The following NALCN variants were observed in gnomAD, a reference collection of about 807,000 sequenced individuals.
NALCN encodes sodium leak channel, non-selective.
Under a neutral mutation model 225.3 loss-of-function variants are expected in NALCN, and 111 were observed. The observed-to-expected ratio is 0.49, with a 90% CI of 0.42 to 0.58. NALCN has a LOEUF of 0.58. NALCN is among the 20% of genes least tolerant of loss of function. The probability of loss-of-function intolerance (pLI) is 0.00; values close to 1 mark genes in which losing one functional copy is unlikely to be tolerated. For missense variants in NALCN, 1,378 were observed against 2,202.4 expected (o/e 0.63, Z 7.49); for synonymous variants, 764 against 769.0 (o/e 0.99, Z 0.11).
In NALCN at chr13:101,104,211, A is replaced by G; in HGVS notation, c.2889+84T>C. 1 of 1,498,150 alleles carries G rather than the reference A, an allele frequency of 6.7e-7. No individual in the cohort carries two copies. The highest frequency in any genetic ancestry group is 8.9e-7 in the Non-Finnish European group (1 of 1,118,644). 92.8% of individuals were successfully genotyped at this position (1,498,150 alleles called of 1,614,324 possible). A position where few individuals can be genotyped will look rare whatever the true frequency, so the allele number is the denominator to read the frequency against. On this transcript the variant is annotated intron_variant, in intron 25 of 43. Transcript: ENST00000251127. This position sits in a 1 kb window ranked among gnomAD's most constrained non-coding sequence, Gnocchi z 4.2. Reference sequence around the variant, plus strand: ...TAGGGAATCTAAGCCTCTGTAACTCATACCTCTTGCGCTTATACCAAGAAA... The same window carrying G: ...TAGGGAATCTAAGCCTCTGTAACTCGTACCTCTTGCGCTTATACCAAGAAA...
intron 15 of NALCN, 109 bp downstream of exon 15, chr13:101,176,191 T>G: frequency 1.4e-6 from 1 of 697,346 alleles, no homozygotes; most frequent in Non-Finnish European, 2.2e-6. Context: ...ATAGCCTTAT[T>G]ACATTTTATT....
Position 101,054,995 on chromosome 13 carries a change from T to C in NALCN, c.*300A>G, listed in dbSNP as rs570017420. ...CTGCATTAGAGCACATATGAATATA[T>C]ACCTTAGTTTACGCAGACAGAATAT... On this transcript the variant is annotated 3_prime_UTR_variant, in exon 44 of 44. Coordinates refer to ENST00000251127, the MANE Select transcript of NALCN (RefSeq NM_052867.4). 2.3e-4 allele frequency: 81 copies of C among 347,856 alleles called. 2 individuals carry two copies. In the South Asian group the frequency reaches 3.8e-3, roughly 16 times the overall value. 21.5% of individuals were successfully genotyped at this position (347,856 alleles called of 1,614,324 possible).
At chr13:101,312,518 A>G (rs1238758612) in intron 7 of NALCN, among the ~76,000 whole-genome samples, 1 of 151,100 alleles carries the variant, frequency 6.6e-6, no homozygotes, top group East Asian at 1.9e-4. Flanking sequence ...ATTTCCCTCT[A>G]CACACTGCTT....
chr13:101,126,619 A>C (rs1447900354), intron 17 of NALCN, among the ~76,000 whole-genome samples: 2 of 151,770 alleles, frequency 1.3e-5, no homozygotes, highest in African/African-American at 4.8e-5. Flanking sequence ...CAGCCACCCG[A>C]GTAGCTGGGA....
chr13:101,092,766 T>C lies in NALCN; in HGVS notation c.3270-2800A>G, dbSNP rs74442484. Among the ~76,000 whole-genome samples, 983 of 152,228 alleles carry C rather than the reference T, an allele frequency of 6.5e-3. 11 individuals carry two copies. The highest frequency in any genetic ancestry group is 0.022 in the African/African-American group (925 of 41,522). Reference sequence around the variant, plus strand: ...TCTGAGATGTTGGTACCCCAAATTGTTTGGGCCTTAGACCCTATAAAACCT... The same window carrying C: ...TCTGAGATGTTGGTACCCCAAATTGCTTGGGCCTTAGACCCTATAAAACCT... On this transcript the variant is annotated intron_variant, in intron 28 of 43. Transcript: ENST00000251127.
chr13:101,294,036 C>G (rs536844271), intron 7 of NALCN, among the ~76,000 whole-genome samples: 2 of 152,204 alleles, frequency 1.3e-5, no homozygotes, highest in East Asian at 3.9e-4. Context: ...CAGATATTAT[C>G]AATACCATCT....
chr13:101,345,310 C>T lies in NALCN; in HGVS notation c.755G>A (p.Gly252Glu), dbSNP rs1311725761. ...GFKCMDLEDL[G>E]LSRQELGYSG... is the part of the protein sequence containing the mutation. Reference sequence around the variant, plus strand: ...GTAGCCCAGCTCTTGCCTGCTAAGTCCCAGATCTTCAAGGTCCATGCATTT... The same window carrying T: ...GTAGCCCAGCTCTTGCCTGCTAAGTTCCAGATCTTCAAGGTCCATGCATTT... Residue 252 changes from glycine to glutamate, a missense_variant, in exon 7 of 44, where the codon GGA becomes GAA. Transcript: ENST00000251127. The T allele has an allele frequency of 2.5e-6, 4 of 1,613,602 alleles. No individual in the cohort carries two copies. Among genetic ancestry groups the T allele is most frequent in the Non-Finnish European group, 3.4e-6 (4 of 1,179,768 alleles).
chr13:101,335,205 T>C (rs1256896154), intron 7 of NALCN, among the ~76,000 whole-genome samples: 1 of 152,198 alleles, frequency 6.6e-6, no homozygotes, highest in Non-Finnish European at 1.5e-5. Context: ...TAAACATCTT[T>C]CAGCAGACAA....
At position 101,055,895 on chromosome 13, in the gene NALCN, T is replaced by C. The variant is rs141774152; in HGVS notation, c.5024-407A>G. ...GGCGAGGGGGGATGCAGTGAGGGTA[T>C]GGGAGGAAAGGTGTGGTTCTGGGGC... is the stretch of plus-strand genomic sequence containing the variant. On this transcript the variant is annotated intron_variant, in intron 43 of 43. Coordinates refer to ENST00000251127, the MANE Select transcript of NALCN (RefSeq NM_052867.4). Among the ~76,000 whole-genome samples the C allele has an allele frequency of 1.8e-3, 278 of 152,198 alleles. 1 individual carries two copies. The highest frequency in any genetic ancestry group is 6.3e-3 in the African/African-American group (260 of 41,520).
At chr13:101,185,574 G>C (rs1167269218) in intron 14 of NALCN, among the ~76,000 whole-genome samples, 1 of 152,240 alleles carries the variant, frequency 6.6e-6, no homozygotes, top group Non-Finnish European at 1.5e-5. Flanking sequence ...ACTGCAATCA[G>C]TCAGGACAGA....
chr13:101,403,141 A>G (rs1358932254), intron 1 of NALCN, among the ~76,000 whole-genome samples: 1 of 151,898 alleles, frequency 6.6e-6, no homozygotes, highest in Non-Finnish European at 1.5e-5. Context: ...TTTCTCATTC[A>G]CTCACTCATT....
chr13:101,383,661 C>A (rs1040127877), intron 3 of NALCN, among the ~76,000 whole-genome samples: 1 of 152,174 alleles, frequency 6.6e-6, no homozygotes, highest in Non-Finnish European at 1.5e-5. Flanking sequence ...TTAATGAATG[C>A]ATCCATCCAT....
chr13:101,250,674 G>A (rs886311404), intron 11 of NALCN, among the ~76,000 whole-genome samples: 3 of 151,834 alleles, frequency 2.0e-5, no homozygotes, highest in Non-Finnish European at 2.9e-5. Flanking sequence ...AATGACTCTG[G>A]TATAGATAAG....
At chr13:101,259,672 G>A (rs897773309) in intron 10 of NALCN, among the ~76,000 whole-genome samples, 3 of 147,562 alleles carry the variant, frequency 2.0e-5, no homozygotes, top group Non-Finnish European at 1.5e-5. Flanking sequence ...TGTATTAAAC[G>A]GTTACTATGT....
chr13:101,314,166 TG>T (rs1382988510), intron 7 of NALCN, among the ~76,000 whole-genome samples: 2 of 53,762 alleles, frequency 3.7e-5, no homozygotes, highest in Non-Finnish European at 6.7e-5. Flanking sequence ...TGTTGTGGGG[TG>T]GGGGGAGGGG....
chr13:101,114,930 G>A lies in NALCN; in HGVS notation c.2193-3704C>T, dbSNP rs566419246. On this transcript the variant is annotated intron_variant, in intron 18 of 43. Coordinates refer to ENST00000251127, the MANE Select transcript of NALCN (RefSeq NM_052867.4). ...CCATGCCATTTTCTTTGTTCTTTTA[G>A]TTCGTCACATATGCCATGCTCCAAA... Among the ~76,000 whole-genome samples the A allele has an allele frequency of 4.6e-5, 7 of 152,178 alleles. No homozygotes were observed. The South Asian group carries it at 1.0e-3, about 23-fold the overall frequency.
At chr13:101,141,340 G>A (rs1267675489) in intron 17 of NALCN, among the ~76,000 whole-genome samples, 1 of 151,790 alleles carries the variant, frequency 6.6e-6, no homozygotes, top group East Asian at 1.9e-4. Flanking sequence ...GAAGAAACAA[G>A]CAAACCAAGT....
Position 101,207,947 on chromosome 13 carries a change from G to A in NALCN, c.1627-15893C>T, listed in dbSNP as rs891179211. Among the ~76,000 whole-genome samples, 20 of 149,416 alleles carry A rather than the reference G, an allele frequency of 1.3e-4. No homozygotes were observed. In the South Asian group the frequency reaches 2.6e-3, roughly 19 times the overall value. On this transcript the variant is annotated intron_variant, in intron 13 of 43. Coordinates refer to ENST00000251127, the MANE Select transcript of NALCN (RefSeq NM_052867.4). The stretch of plus-strand genomic sequence containing the variant: ...CTGCGGCTTCACTCCTGAAGCCAGC[G>A]AGACCACGAACCCACCGGAAGGAAT...
intron 15 of NALCN, among the ~76,000 whole-genome samples, chr13:101,159,699 G>A (rs1345523169): frequency 6.6e-6 from 1 of 152,128 alleles, no homozygotes; most frequent in Non-Finnish European, 1.5e-5. Context: ...AGGGTCTAGT[G>A]CAGGGGCCCA....
Sources: allele counts gnomAD v4.1 joint callset (sites outside exome capture counted in the v4.1 genomes callset), GRCh38; gene constraint gnomAD v4.1.1; non-coding constraint Gnocchi (gnomAD v3.1); transcripts MANE v1.5; gene names NCBI Gene and HGNC (gene_info 2026-07-23, HGNC 2026-07-21).